The following NDC1 variants were observed in gnomAD, a reference collection of about 807,000 sequenced individuals.
The protein encoded by NDC1 is NDC1 transmembrane nucleoporin, also known as nucleoporin NDC1.
NDC1 carries 24 observed loss-of-function variants against 89.8 expected under a neutral mutation model. That is an observed-to-expected ratio of 0.27 (90% CI 0.19 to 0.38). NDC1 has a LOEUF of 0.38. NDC1 is among the 10% of genes least tolerant of loss of function. The pLI is 1.00. For synonymous variants in NDC1, 296 were observed against 284.8 expected, an observed-to-expected ratio of 1.04 and a Z score of -0.39; for missense variants, 728 against 797.6, an observed-to-expected ratio of 0.91 and a Z score of 1.05.
At chr1:53,797,920 C>A (rs769428337) in intron 11 of NDC1, among the ~76,000 whole-genome samples, 1 of 152,120 alleles carries the variant, frequency 6.6e-6, no homozygotes, top group Non-Finnish European at 1.5e-5. Flanking sequence ...AGCCACCACA[C>A]CTGGCCTGAA....
chr1:53,787,866 TAAAA>T (rs10714462), intron 15 of NDC1, among the ~76,000 whole-genome samples: 1 of 134,990 alleles, frequency 7.4e-6, no homozygotes. Flanking sequence ...GCCAGGAAAT[TAAAA>T]AAAAAAAAAA....
Position 53,838,227 on chromosome 1 carries a change from C to G in NDC1, c.35G>C (p.Arg12Thr). 1 of 1,536,448 alleles carries G rather than the reference C, an allele frequency of 6.5e-7. No homozygotes were observed. Among genetic ancestry groups the G allele is most frequent in the Non-Finnish European group, 8.7e-7 (1 of 1,146,022 alleles). The change falls in exon 1 of 18, where the codon AGG (arginine) becomes ACG (threonine). Residue 12 changes from arginine (R) to threonine (T), a missense_variant. Coordinates refer to ENST00000371429, the MANE Select transcript of NDC1 (RefSeq NM_018087.5). ...ATAVSRPCAGRSRDILWRVLG... is the reference protein window; with the variant it reads ...ATAVSRPCAGTSRDILWRVLG... ...CACGCGCCACAGTATGTCCCGCGAC[C>G]TGCCGGCGCAGGGCCGGCTCACGGC...
At chr1:53,819,467 G>A (rs1224567468) in intron 5 of NDC1, among the ~76,000 whole-genome samples, 1 of 152,146 alleles carries the variant, frequency 6.6e-6, no homozygotes, top group Non-Finnish European at 1.5e-5. Flanking sequence ...AACCTCATAA[G>A]AACCCTGTAA....
chr1:53,787,200 C>A lies in NDC1; in HGVS notation c.1758G>T (p.Thr586=). 6.2e-7 allele frequency: 1 copy of A among 1,610,552 alleles called. No homozygotes were observed. The highest frequency in any genetic ancestry group is 1.1e-5 in the South Asian group (1 of 90,682). ...AAGTATTAAGGATAGCTGGTAGTGTCGTCTGGACAACTCCAAATCTATCCT... is the reference window on the plus strand; with the variant it reads ...AAGTATTAAGGATAGCTGGTAGTGTAGTCTGGACAACTCCAAATCTATCCT... ...FTEDRFGVVQ[T]TLPAILNTLL... is the part of the protein sequence containing the mutation. Residue 586 remains threonine, a synonymous_variant, in exon 16 of 18, where the codon ACG becomes ACT. Coordinates refer to ENST00000371429, the MANE Select transcript of NDC1 (RefSeq NM_018087.5).
At chr1:53,837,247 T>C (rs572157000) in intron 1 of NDC1, among the ~76,000 whole-genome samples, 7 of 152,200 alleles carry the variant, frequency 4.6e-5, no homozygotes, top group African/African-American at 1.7e-4. Flanking sequence ...CTGGAGAAGA[T>C]ATCGTATCTC....
At chr1:53,832,405 C>T (rs1649095506) in intron 3 of NDC1, 85 bp downstream of exon 3, 5 of 686,048 alleles carry the variant, frequency 7.3e-6, no homozygotes, top group Non-Finnish European at 1.3e-5. Flanking sequence ...TGACACAAAA[C>T]ACATTCACAT....
Position 53,766,251 on chromosome 1 carries a change from A to G in NDC1, c.*1719T>C, listed in dbSNP as rs1030169405. ...TCCTATCTTTATTCTCAGAAATCCAATGTTGAATATCACAGTTCTTCTTTA... is the reference window on the plus strand; with the variant it reads ...TCCTATCTTTATTCTCAGAAATCCAGTGTTGAATATCACAGTTCTTCTTTA... On this transcript the variant is annotated 3_prime_UTR_variant, in exon 18 of 18. Transcript: ENST00000371429. 9.2e-5 allele frequency: 14 copies of G among 152,212 alleles called. No homozygotes were observed. Among genetic ancestry groups the G allele is most frequent in the African/African-American group, 3.4e-4 (14 of 41,460 alleles). The allele number at this position is 152,212 out of a possible 1,614,324, so 9.4% of individuals were successfully genotyped here. A position where few individuals can be genotyped will look rare whatever the true frequency, so the allele number is the denominator to read the frequency against.
chr1:53,793,644 T>G (rs1422035800), intron 13 of NDC1, among the ~76,000 whole-genome samples: 1 of 152,086 alleles, frequency 6.6e-6, no homozygotes, highest in Non-Finnish European at 1.5e-5. Flanking sequence ...TAGGCTGGAG[T>G]GCAGTTTTAT....
At chr1:53,838,146 A>C in intron 1 of NDC1, 59 bp downstream of exon 1, 20 of 1,486,016 alleles carry the variant, frequency 1.3e-5, no homozygotes, top group Non-Finnish European at 1.6e-5. Context: ...ACGCGCGATC[A>C]GAGCTTGCCC....
intron 2 of NDC1, 91 bp downstream of exon 2, chr1:53,835,409 G>T (rs1417560638): frequency 2.0e-6 from 2 of 976,006 alleles, no homozygotes; most frequent in Middle Eastern, 2.2e-4. Context: ...AACATAGGCA[G>T]TAATTGAAAA....
chr1:53,783,793 C>T (rs533050726), intron 16 of NDC1, among the ~76,000 whole-genome samples: 2 of 152,332 alleles, frequency 1.3e-5, no homozygotes, highest in East Asian at 3.9e-4. Flanking sequence ...AAGGCCCTTA[C>T]CAGATGCAGC....
chr1:53,812,514 AGC>A (rs1648343824), intron 6 of NDC1, among the ~76,000 whole-genome samples: 1 of 152,252 alleles, frequency 6.6e-6, no homozygotes, highest in South Asian at 2.1e-4. Flanking sequence ...AGAAATTCAA[AGC>A]TTGAAGACAA....
intron 6 of NDC1, among the ~76,000 whole-genome samples, chr1:53,813,702 C>T (rs542572146): frequency 4.6e-5 from 7 of 151,874 alleles, no homozygotes; most frequent in Non-Finnish European, 1.0e-4. Flanking sequence ...AATCCACTGA[C>T]GACACTAGAT....
intron 16 of NDC1, among the ~76,000 whole-genome samples, chr1:53,786,075 C>A (rs1273389358): frequency 6.6e-6 from 1 of 152,122 alleles, no homozygotes; most frequent in Non-Finnish European, 1.5e-5. Flanking sequence ...CAGGCTCACA[C>A]CACTGCACCC....
Position 53,838,256 on chromosome 1 carries a change from G to A in NDC1, c.6C>T (p.Ala2=), listed in dbSNP as rs1425935540. The A allele has an allele frequency of 6.5e-7, 1 of 1,537,186 alleles. No individual in the cohort carries two copies. Among genetic ancestry groups the A allele is most frequent in the Non-Finnish European group, 8.7e-7 (1 of 1,145,608 alleles). The change falls in exon 1 of 18, where the codon GCC becomes GCT. Residue 2 remains alanine (A), a synonymous_variant. Coordinates refer to ENST00000371429, the MANE Select transcript of NDC1 (RefSeq NM_018087.5). M[A]TAVSRPCAGR... is the part of the protein sequence containing the mutation. ...CGGCGCAGGGCCGGCTCACGGCCGT[G>A]GCCATGGAGATGGCGGCCCCTAGTC...
chr1:53,787,664 G>A (rs932865487), intron 15 of NDC1, among the ~76,000 whole-genome samples: 2 of 146,828 alleles, frequency 1.4e-5, no homozygotes, highest in African/African-American at 2.5e-5. Flanking sequence ...TAAATAAATA[G>A]ATAAATAAAT....
At chr1:53,804,353 T>C (rs1397137486) in intron 9 of NDC1, among the ~76,000 whole-genome samples, 1 of 152,238 alleles carries the variant, frequency 6.6e-6, no homozygotes, top group Non-Finnish European at 1.5e-5. Flanking sequence ...TAACATCATG[T>C]ATTGTAATTG....
chr1:53,807,597 A>T (rs1648153860), intron 8 of NDC1, 59 bp downstream of exon 8: 1 of 1,473,402 alleles, frequency 6.8e-7, no homozygotes, highest in Non-Finnish European at 9.2e-7. Context: ...CTCTGCTAAA[A>T]ATCAACTGTG....
In NDC1 at chr1:53,766,254, T is replaced by C. The variant is rs967201698; in HGVS notation, c.*1716A>G. ...TATCTTTATTCTCAGAAATCCAATG[T>C]TGAATATCACAGTTCTTCTTTAATG... On this transcript the variant is annotated 3_prime_UTR_variant, in exon 18 of 18. Coordinates refer to ENST00000371429, the MANE Select transcript of NDC1 (RefSeq NM_018087.5). 21 of 152,232 alleles carry C rather than the reference T, an allele frequency of 1.4e-4. No homozygotes were observed. Among genetic ancestry groups the C allele is most frequent in the African/African-American group, 3.6e-4 (15 of 41,460 alleles). The allele number at this position is 152,232 out of a possible 1,614,324, so 9.4% of individuals were successfully genotyped here.
Sources: gnomAD v4.1 joint callset for allele counts (sites outside exome capture counted in the v4.1 genomes callset) on GRCh38, gnomAD v4.1.1 for gene constraint, MANE v1.5 for transcripts, NCBI Gene and HGNC (gene_info 2026-07-23, HGNC 2026-07-21) for gene names.